CADM2: variants seen among roughly 807,000 people sequenced by gnomAD.
The protein encoded by CADM2 is immunoglobulin superfamily member 4D.
Under a neutral mutation model 49.8 loss-of-function variants are expected in CADM2, and 12 were observed. The observed-to-expected ratio is 0.24, with a 90% CI of 0.15 to 0.39. The LOEUF (loss-of-function observed/expected upper bound fraction) is 0.39. CADM2 is among the 10% of genes least tolerant of loss of function. The pLI is 1.00. For missense variants in CADM2, 378 were observed against 492.3 expected (o/e 0.77, Z 2.20); for synonymous variants, 214 against 175.4 (o/e 1.22, Z -1.74).
intron 1 of CADM2, among the ~76,000 whole-genome samples, chr3:85,681,132 A>G (rs1391681768): frequency 6.6e-6 from 1 of 152,138 alleles, no homozygotes; most frequent in African/African-American, 2.4e-5. Flanking sequence ...ACTGCATACA[A>G]GAATAGACTT....
chr3:85,465,503 A>T (rs1301631645), intron 1 of CADM2, among the ~76,000 whole-genome samples: 1 of 152,158 alleles, frequency 6.6e-6, no homozygotes, highest in Non-Finnish European at 1.5e-5. Context: ...CCAAATTTAT[A>T]TATATTAAGT....
At chr3:86,032,358 G>A (rs766033567) in intron 8 of CADM2, among the ~76,000 whole-genome samples, 4 of 151,740 alleles carry the variant, frequency 2.6e-5, no homozygotes, top group South Asian at 2.1e-4. Context: ...AATAGACATC[G>A]AACATTTAGT....
chr3:85,654,175 T>C (rs2065131989), intron 1 of CADM2, among the ~76,000 whole-genome samples: 1 of 152,130 alleles, frequency 6.6e-6, no homozygotes, highest in South Asian at 2.1e-4. Context: ...GCAGAGGCAC[T>C]GGGTGTTCAC....
At chr3:86,018,425 C>T (rs1447211906) in intron 8 of CADM2, among the ~76,000 whole-genome samples, 4 of 151,440 alleles carry the variant, frequency 2.6e-5, no homozygotes, top group African/African-American at 9.7e-5. Flanking sequence ...ATGGTATTTC[C>T]AGTTCTAGAT....
At chr3:86,054,496 T>A (rs980926026) in intron 8 of CADM2, among the ~76,000 whole-genome samples, 1 of 152,064 alleles carries the variant, frequency 6.6e-6, no homozygotes, top group African/African-American at 2.4e-5. Flanking sequence ...TCTACCCCAT[T>A]TAAGTGTTTA....
At chr3:86,000,393 T>C (rs931241943) in intron 8 of CADM2, among the ~76,000 whole-genome samples, 1 of 152,180 alleles carries the variant, frequency 6.6e-6, no homozygotes, top group African/African-American at 2.4e-5. Context: ...GAATAATTAT[T>C]ATCTATTTCT....
At chr3:85,378,071 A>C (rs2033696148) in intron 1 of CADM2, among the ~76,000 whole-genome samples, 1 of 152,018 alleles carries the variant, frequency 6.6e-6, no homozygotes, top group African/African-American at 2.4e-5. Flanking sequence ...TATTAGAAAT[A>C]TTTTCTATCA....
intron 1 of CADM2, among the ~76,000 whole-genome samples, chr3:85,157,505 A>G (rs1262777768): frequency 3.3e-5 from 5 of 151,946 alleles, no homozygotes; most frequent in East Asian, 1.9e-4. Context: ...TAGATCAATG[A>G]AACAGAACAG....
At chr3:85,329,924 T>C (rs1300280852) in intron 1 of CADM2, among the ~76,000 whole-genome samples, 1 of 152,132 alleles carries the variant, frequency 6.6e-6, no homozygotes, top group African/African-American at 2.4e-5. Flanking sequence ...TTTTCCTGAT[T>C]AGTAGCAAGT....
At chr3:85,094,354 C>A (rs560309643) in intron 1 of CADM2, among the ~76,000 whole-genome samples, 2 of 152,010 alleles carry the variant, frequency 1.3e-5, no homozygotes, top group Admixed American at 1.3e-4. Flanking sequence ...CCTTTCACGA[C>A]GTTAAATTTA....
intron 8 of CADM2, among the ~76,000 whole-genome samples, chr3:86,057,494 G>T (rs992029687): frequency 1.3e-5 from 2 of 152,128 alleles, no homozygotes; most frequent in Admixed American, 1.3e-4. Flanking sequence ...AAAACAATCT[G>T]TTTGGAATTT....
intron 1 of CADM2, among the ~76,000 whole-genome samples, chr3:85,585,023 G>A (rs2062898319): frequency 1.3e-5 from 2 of 151,992 alleles, no homozygotes; most frequent in South Asian, 4.1e-4. Context: ...AACTGCGGTT[G>A]AAAAATATTA....
At chr3:85,738,097 A>T (rs1022374405) in intron 2 of CADM2, among the ~76,000 whole-genome samples, 1 of 151,958 alleles carries the variant, frequency 6.6e-6, no homozygotes, top group African/African-American at 2.4e-5. Flanking sequence ...GCCAGAAGTT[A>T]TCTTGGGAAA....
At chr3:85,781,759 A>G (rs894074788) in intron 2 of CADM2, among the ~76,000 whole-genome samples, 2 of 152,194 alleles carry the variant, frequency 1.3e-5, no homozygotes, top group African/African-American at 4.8e-5. Context: ...ATGTTTTGCC[A>G]GTGTTTTGGA....
At chr3:85,717,229 T>C (rs1182424997) in intron 1 of CADM2, among the ~76,000 whole-genome samples, 1 of 146,184 alleles carries the variant, frequency 6.8e-6, no homozygotes, top group Non-Finnish European at 1.6e-5. Context: ...GTAAGTTGTG[T>C]TCCTAGGTAT....
intron 1 of CADM2, among the ~76,000 whole-genome samples, chr3:85,020,368 A>T (rs1055292401): frequency 6.6e-6 from 1 of 152,158 alleles, no homozygotes; most frequent in African/African-American, 2.4e-5. Flanking sequence ...ACATTTTTTG[A>T]TCATGGAACA....
chr3:86,042,453 C>T (rs1669221749), intron 8 of CADM2, among the ~76,000 whole-genome samples: 1 of 152,164 alleles, frequency 6.6e-6, no homozygotes, highest in Non-Finnish European at 1.5e-5. Flanking sequence ...ATAAAAGCCT[C>T]CATGCATATA....
intron 1 of CADM2, among the ~76,000 whole-genome samples, chr3:85,494,969 T>A (rs2039827769): frequency 6.6e-6 from 1 of 152,186 alleles, no homozygotes; most frequent in Admixed American, 6.5e-5. Flanking sequence ...ATTATATTTT[T>A]GATTTTGCTA....
At chr3:85,431,655 T>C (rs998666979) in intron 1 of CADM2, among the ~76,000 whole-genome samples, 2 of 151,132 alleles carry the variant, frequency 1.3e-5, no homozygotes, top group Non-Finnish European at 2.9e-5. Flanking sequence ...ACAAGCTGAA[T>C]GGAAAGAAAC....
Sources: allele counts gnomAD v4.1 joint callset (sites outside exome capture counted in the v4.1 genomes callset), GRCh38; gene constraint gnomAD v4.1.1; transcripts MANE v1.5; gene names NCBI Gene and HGNC (gene_info 2026-07-23, HGNC 2026-07-21).